NRG1: variants seen among roughly 807,000 people sequenced by gnomAD.
NRG1 encodes neuregulin 1, also known as pro-neuregulin-1, membrane-bound isoform.
NRG1 carries 18 observed loss-of-function variants against 63.8 expected under a neutral mutation model. The observed-to-expected ratio is 0.28, with a 90% CI of 0.19 to 0.42. The LOEUF is 0.42. Ranked by LOEUF, NRG1 falls within the 10% of genes least tolerant of loss-of-function variation. The pLI is 1.00. For missense variants in NRG1, 762 were observed against 814.7 expected, an observed-to-expected ratio of 0.94 and a Z score of 0.79; for synonymous variants, 302 against 301.3, an observed-to-expected ratio of 1.00 and a Z score of -0.02.
intron 1 of NRG1, among the ~76,000 whole-genome samples, chr8:31,931,386 A>G (rs995234766): frequency 5.9e-5 from 9 of 152,194 alleles, no homozygotes; most frequent in African/African-American, 1.7e-4. Flanking sequence ...CAAGCATACC[A>G]TGATGTGAAT....
At chr8:31,917,474 A>AT (rs1473177363) in intron 1 of NRG1, among the ~76,000 whole-genome samples, 1 of 150,446 alleles carries the variant, frequency 6.6e-6, no homozygotes, top group Non-Finnish European at 1.5e-5. Context: ...TCCTTTCCCC[A>AT]TTGCTTGTTT....
intron 1 of NRG1, among the ~76,000 whole-genome samples, chr8:31,725,957 T>G (rs1813392773): frequency 6.6e-6 from 1 of 152,164 alleles, no homozygotes; most frequent in Non-Finnish European, 1.5e-5. Context: ...TGATGATCAT[T>G]TCTGTTTTTA....
intron 1 of NRG1, among the ~76,000 whole-genome samples, chr8:32,366,761 G>A (rs1317639608): frequency 6.9e-6 from 1 of 145,324 alleles, no homozygotes; most frequent in East Asian, 2.0e-4. Context: ...GCCCAGGCTG[G>A]AGTGCAGTGG....
At chr8:31,894,546 C>CTTTTTTTTTTTTTTTTT (rs370312165) in intron 1 of NRG1, among the ~76,000 whole-genome samples, 2 of 98,068 alleles carry the variant, frequency 2.0e-5, no homozygotes, top group African/African-American at 6.6e-5. Flanking sequence ...CTATTTCTTT[C>CTTTTTTTTTTTTTTTTT]TTTTTTCTTT....
At chr8:31,763,573 A>C (rs926858980) in intron 1 of NRG1, among the ~76,000 whole-genome samples, 6 of 152,208 alleles carry the variant, frequency 3.9e-5, no homozygotes, top group African/African-American at 1.4e-4. Flanking sequence ...TGGTTCTTCT[A>C]TTAACTCAAA....
intron 1 of NRG1, among the ~76,000 whole-genome samples, chr8:32,028,856 T>C (rs989008971): frequency 2.0e-5 from 3 of 152,170 alleles, no homozygotes; most frequent in African/African-American, 7.2e-5. Context: ...ATACATTTAA[T>C]AACATCACTA....
chr8:32,241,727 A>AAT (rs1848114984), intron 1 of NRG1, among the ~76,000 whole-genome samples: 1 of 119,310 alleles, frequency 8.4e-6, no homozygotes, highest in Non-Finnish European at 2.0e-5. Context: ...AGAGCAGTGT[A>AAT]ATGTACTTGC....
chr8:31,872,316 T>C (rs931105927), intron 1 of NRG1, among the ~76,000 whole-genome samples: 1 of 152,230 alleles, frequency 6.6e-6, no homozygotes, highest in Non-Finnish European at 1.5e-5. Flanking sequence ...TTTACCATTT[T>C]TTTTTATTGG....
intron 1 of NRG1, among the ~76,000 whole-genome samples, chr8:32,407,666 A>G (rs1242069929): frequency 6.6e-6 from 1 of 152,078 alleles, no homozygotes; most frequent in African/African-American, 2.4e-5. Flanking sequence ...CTTTCAGTAC[A>G]TATGTCCAAC....
At chr8:32,454,077 A>G (rs1821310387) in intron 1 of NRG1, among the ~76,000 whole-genome samples, 1 of 152,346 alleles carries the variant, frequency 6.6e-6, no homozygotes, top group South Asian at 2.1e-4. Context: ...CAGGAAAAAT[A>G]AAGGCCACAA....
At chr8:32,575,801 T>G (rs1839518837) in intron 1 of NRG1, among the ~76,000 whole-genome samples, 1 of 152,290 alleles carries the variant, frequency 6.6e-6, no homozygotes, top group East Asian at 1.9e-4. Flanking sequence ...ACTGTTATTT[T>G]TTAGATCTGG....
At chr8:32,375,151 GTT>G (rs11344585) in intron 1 of NRG1, among the ~76,000 whole-genome samples, 6 of 150,822 alleles carry the variant, frequency 4.0e-5, no homozygotes, top group African/African-American at 9.8e-5. Flanking sequence ...CCTGGATATA[GTT>G]TTTTTTTTAG....
intron 1 of NRG1, among the ~76,000 whole-genome samples, chr8:31,680,287 T>C (rs1342067428): frequency 7.5e-6 from 1 of 133,416 alleles, no homozygotes; most frequent in African/African-American, 2.7e-5. Flanking sequence ...GCTATCCCTC[T>C]CCCCTCCCCC....
At chr8:32,586,623 G>A (rs1050294551) in intron 1 of NRG1, among the ~76,000 whole-genome samples, 2 of 152,030 alleles carry the variant, frequency 1.3e-5, no homozygotes, top group Non-Finnish European at 2.9e-5. Flanking sequence ...TTCAAACTTT[G>A]TAGAAAAACT....
At chr8:32,065,001 A>G (rs1824517027) in intron 1 of NRG1, among the ~76,000 whole-genome samples, 2 of 152,126 alleles carry the variant, frequency 1.3e-5, no homozygotes, top group Admixed American at 1.3e-4. Flanking sequence ...ATTGGGGGAT[A>G]GTCTTGTTTT....
At chr8:32,011,220 G>A (rs1238050097) in intron 1 of NRG1, among the ~76,000 whole-genome samples, 1 of 152,016 alleles carries the variant, frequency 6.6e-6, no homozygotes, top group Non-Finnish European at 1.5e-5. Flanking sequence ...GTTTTCTTTT[G>A]CATATTATAG....
intron 1 of NRG1, among the ~76,000 whole-genome samples, chr8:32,416,016 A>G (rs561059163): frequency 6.6e-6 from 1 of 152,318 alleles, no homozygotes; most frequent in South Asian, 2.1e-4. Flanking sequence ...CACTTTCGTG[A>G]GTAAGTTGCT....
chr8:31,852,966 C>A (rs1244698559), intron 1 of NRG1, among the ~76,000 whole-genome samples: 1 of 151,744 alleles, frequency 6.6e-6, no homozygotes, highest in Non-Finnish European at 1.5e-5. Flanking sequence ...TTCCATTGAT[C>A]TATATCTCTG....
intron 1 of NRG1, among the ~76,000 whole-genome samples, chr8:32,363,821 G>C (rs1433538594): frequency 6.6e-6 from 1 of 152,028 alleles, no homozygotes; most frequent in African/African-American, 2.4e-5. Flanking sequence ...TCAGAAAACA[G>C]ATAAATGATT....
Sources: allele counts gnomAD v4.1 joint callset (sites outside exome capture counted in the v4.1 genomes callset), GRCh38; gene constraint gnomAD v4.1.1; transcripts MANE v1.5; gene names NCBI Gene and HGNC (gene_info 2026-07-23, HGNC 2026-07-21).